SRCAP: variants seen among roughly 807,000 people sequenced by gnomAD.
The protein encoded by SRCAP is Snf2 related CREBBP activator protein, also known as chromatin remodeling protein SRCAP.
A neutral mutation model predicts 263.1 loss-of-function variants in SRCAP; 46 were observed. The ratio of observed to expected loss-of-function variants is 0.17; its 90% CI spans 0.14 to 0.22. SRCAP has a LOEUF of 0.22. Ranked by LOEUF, SRCAP falls within the 10% of genes least tolerant of loss-of-function variation. The probability of loss-of-function intolerance (pLI) is 1.00; values close to 1 mark genes in which losing one functional copy is unlikely to be tolerated. For synonymous variants in SRCAP, 1,813 were observed against 1,662.1 expected (o/e 1.09, Z -2.21); for missense variants, 3,695 against 4,181.9 (o/e 0.88, Z 3.21).
chr16:30,739,476 G>C lies in SRCAP; in HGVS notation c.9436G>C (p.Gly3146Arg), dbSNP rs762974464. The C allele has an allele frequency of 1.5e-5, 24 of 1,613,950 alleles. No homozygotes were observed. The South Asian group carries it at 2.4e-4, about 16-fold the overall frequency. Reference sequence around the variant, plus strand: ...TCGCAAACGAGCAGGGGCCCCAGTTGGTGGGAGTCCTGGGCTGGCAAAGCG... The same window carrying C: ...TCGCAAACGAGCAGGGGCCCCAGTTCGTGGGAGTCCTGGGCTGGCAAAGCG... ...LPRKRAGAPV[G>R]GSPGLAKRGR... Residue 3146 changes from glycine to arginine, a missense_variant, in exon 34 of 34, where the codon GGT becomes CGT. By Grantham distance (125) the Gly-to-Arg change is moderately radical. This residue lies in a region of SRCAP where 1,207 missense variants were observed against 1,142.9 expected (regional missense o/e 1.06). Coordinates refer to ENST00000262518, the MANE Select transcript of SRCAP (RefSeq NM_006662.3).
intron 30 of SRCAP, 79 bp downstream of exon 30, chr16:30,734,087 C>T: frequency 7.7e-7 from 1 of 1,290,442 alleles, no homozygotes; most frequent in Non-Finnish European, 1.1e-6. Context: ...TTAAAGAAGA[C>T]TGCTTTGGAC....
In SRCAP at chr16:30,721,365, GCCACCACCACTTCTA is replaced by G; in HGVS notation, c.3438_3452del (p.Thr1147_Thr1151del). On this transcript the variant is annotated inframe_deletion, in exon 21 of 34. Transcript: ENST00000262518. ...AGGCTACACCTTCCCTCCTGCTGCT[GCCACCACCACTTCTA>G]CCACCACGGCAACTGCTACCACCAC... The G allele has an allele frequency of 6.2e-7, 1 of 1,614,044 alleles. No homozygotes were observed. Among genetic ancestry groups the G allele is most frequent in the Non-Finnish European group, 8.5e-7 (1 of 1,180,032 alleles).
intron 1 of SRCAP, among the ~76,000 whole-genome samples, 182 bp downstream of exon 1, chr16:30,699,424 C>T (rs1236735249): frequency 6.6e-6 from 1 of 152,140 alleles, no homozygotes; most frequent in Non-Finnish European, 1.5e-5. Context: ...TCCTGAGTCT[C>T]CTTTTGCTGT....
chr16:30,704,216 G>T lies in SRCAP; in HGVS notation c.207G>T (p.Val69=). The T allele has an allele frequency of 6.2e-7, 1 of 1,614,142 alleles. No individual in the cohort carries two copies. The highest frequency in any genetic ancestry group is 1.1e-5 in the South Asian group (1 of 91,076). The change falls in exon 4 of 34, where the codon GTG becomes GTT. Residue 69 remains valine, a synonymous_variant. Transcript: ENST00000262518. ...CAGGCCCCCCAGATGGTGCCACAGT[G>T]CCCCTGGAGGGGTTCAGCTTATCCC... The part of the protein sequence containing the change: ...GPPGPPDGAT[V]PLEGFSLSQA...
At chr16:30,719,480 G>T (rs1474671025) in intron 18 of SRCAP, among the ~76,000 whole-genome samples, 1 of 151,890 alleles carries the variant, frequency 6.6e-6, no homozygotes, top group African/African-American at 2.4e-5. Context: ...CTCCAGAAGT[G>T]CTGGGATTAC....
chr16:30,737,291 C>G lies in SRCAP; in HGVS notation c.7251C>G (p.Ala2417=). 6.2e-7 allele frequency: 1 copy of G among 1,614,024 alleles called. No homozygotes were observed. Among genetic ancestry groups the G allele is most frequent in the Non-Finnish European group, 8.5e-7 (1 of 1,180,012 alleles). Residue 2417 remains alanine, a synonymous_variant, in exon 34 of 34, where the codon GCC becomes GCG. Coordinates refer to ENST00000262518, the MANE Select transcript of SRCAP (RefSeq NM_006662.3). ...CAAACCACACTCCTGTCATATCCGC[C>G]CATCAAACTCGCAGCACCACCACAC... ...QGANHTPVIS[A]HQTRSTTTPP... is the part of the protein sequence containing the mutation.
At chr16:30,730,714 AC>A (rs2053106036) in intron 27 of SRCAP, among the ~76,000 whole-genome samples, 1 of 132,004 alleles carries the variant, frequency 7.6e-6, no homozygotes, top group Admixed American at 7.5e-5. Flanking sequence ...ACAGGTGTGA[AC>A]CACTGCGCCC....
rs2053178233 is a variant in SRCAP, at chr16:30,738,066, G to T, written c.8026G>T (p.Glu2676Ter). ...EPLEADRTSE[E>*]LTEAKTPTSS... The stretch of plus-strand genomic sequence containing the variant: ...ACTGGAGGCTGACAGGACCTCGGAA[G>T]AGCTGACAGAGGCCAAGACCCCAAC... The change falls in exon 34 of 34, where the codon GAG becomes TAG. Residue 2676 changes from glutamate to a stop codon, truncating the protein, a stop_gained. Coordinates refer to ENST00000262518, the MANE Select transcript of SRCAP (RefSeq NM_006662.3). LOFTEE classifies it high-confidence loss of function. The T allele has an allele frequency of 1.2e-6, 2 of 1,614,048 alleles. No individual in the cohort carries two copies. The highest frequency in any genetic ancestry group is 1.3e-5 in the African/African-American group (1 of 74,918).
At chr16:30,708,842 C>T (rs1436993402) in intron 6 of SRCAP, among the ~76,000 whole-genome samples, 4 of 151,826 alleles carry the variant, frequency 2.6e-5, no homozygotes, top group Non-Finnish European at 4.4e-5. Context: ...GTTTTTGAGA[C>T]GGAGTCTCGC....
intron 24 of SRCAP, 77 bp from the exon 25 acceptor site, chr16:30,723,507 G>C (rs1317305910): frequency 1.3e-6 from 2 of 1,530,712 alleles, no homozygotes; most frequent in Non-Finnish European, 1.8e-6. Context: ...AAGCTTGGGG[G>C]TATGGGAAAG....
rs192498480 is a variant in SRCAP at position 30,716,526 on chromosome 16, C to T, written c.2817+47C>T. The T allele has an allele frequency of 5.2e-6, 8 of 1,540,230 alleles. No homozygotes were observed. In the African/African-American group the frequency reaches 9.6e-5, roughly 19 times the overall value. ...TGAAATGTAAAGGTTATCGGCATTA[C>T]TCCAACCATGTACCTCTTTTCGTTA... On this transcript the variant is annotated intron_variant, in intron 18 of 33. Transcript: ENST00000262518.
chr16:30,709,681 T>A lies in SRCAP; in HGVS notation c.802T>A (p.Ser268Thr). Residue 268 changes from serine to threonine, a missense_variant, in exon 7 of 34, where the codon TCT (serine) becomes ACT (threonine). Physicochemically the swap from Ser to Thr is moderately conservative, Grantham distance 58. Around this residue, in one of 12 missense-constraint regions of SRCAP, gnomAD observed 44 missense variants for 42.9 expected, o/e 1.03. Coordinates refer to ENST00000262518, the MANE Select transcript of SRCAP (RefSeq NM_006662.3). ...AGCAGGCTCTTCCCCTTGCCTCGGC[T>A]CTTCCTCAGCTGCCTCCAGTCCTCC... Reference protein sequence around the residue: ...SKAGSSPCLGSSSAASSPPPP... With the variant: ...SKAGSSPCLGTSSAASSPPPP... 6.2e-7 allele frequency: 1 copy of A among 1,614,112 alleles called. No homozygotes were observed. Among genetic ancestry groups the A allele is most frequent in the Non-Finnish European group, 8.5e-7 (1 of 1,180,030 alleles).
intron 21 of SRCAP, 136 bp from the exon 22 acceptor site, chr16:30,721,986 T>C (rs1367201796): frequency 4.5e-6 from 5 of 1,109,670 alleles, no homozygotes; most frequent in South Asian, 3.2e-5. Context: ...GCTGAGTTTA[T>C]TGGGACATGG....
chr16:30,738,979 C>T lies in SRCAP; in HGVS notation c.8939C>T (p.Pro2980Leu). ...CCATCACCCCTAACCCCACTCCCAC[C>T]ACTGCTAGTTTGTCCCACTGCTACT... is the stretch of plus-strand genomic sequence containing the variant. ...PHPSPLTPLP[P>L]LLVCPTATVA... Residue 2980 changes from proline to leucine, a missense_variant, in exon 34 of 34, where the codon CCA becomes CTA. By Grantham distance (98) the Pro-to-Leu change is moderately conservative. Around this residue, in one of 12 missense-constraint regions of SRCAP, gnomAD observed 1,207 missense variants for 1,142.9 expected, o/e 1.06. Transcript: ENST00000262518. The T allele has an allele frequency of 1.2e-6, 2 of 1,613,816 alleles. No homozygotes were observed. Among genetic ancestry groups the T allele is most frequent in the Non-Finnish European group, 1.7e-6 (2 of 1,179,814 alleles).
chr16:30,700,916 T>C, intron 3 of SRCAP, 38 bp downstream of exon 3: 1 of 1,604,684 alleles, frequency 6.2e-7, no homozygotes, highest in Non-Finnish European at 8.5e-7. Flanking sequence ...TGCTTCTGCT[T>C]TGTGGATTGT....
In SRCAP at chr16:30,706,609, C is replaced by T. The variant is rs567119259; in HGVS notation, c.307-574C>T. ...TCAGTGTTAAACATTTCACGTATAA[C>T]GTTTCAGTATTTTTTACATAAACAT... On this transcript the variant is annotated intron_variant, in intron 4 of 33. Coordinates refer to ENST00000262518, the MANE Select transcript of SRCAP (RefSeq NM_006662.3). 2.7e-3 allele frequency among the ~76,000 whole-genome samples: 413 copies of T among 152,266 alleles called. 1 individual carries two copies. The highest frequency in any genetic ancestry group is 9.6e-3 in the African/African-American group (398 of 41,558).
rs371111870 is a variant in SRCAP at position 30,712,353 on chromosome 16, A to G, written c.1907A>G (p.Lys636Arg). 1.2e-6 allele frequency: 2 copies of G among 1,613,456 alleles called. No individual in the cohort carries two copies. Among genetic ancestry groups the G allele is most frequent in the African/African-American group, 2.7e-5 (2 of 74,924 alleles). Residue 636 changes from lysine (K) to arginine (R), a missense_variant, in exon 13 of 34, where the codon AAG (lysine) becomes AGG (arginine). Transcript: ENST00000262518. Reference protein sequence around the residue: ...LDWLVTMYEKKLNGILADEMG... With the variant: ...LDWLVTMYEKRLNGILADEMG... ...TGGCTGGTTACCATGTATGAGAAGA[A>G]GCTTAATGGCATTCTTGCTGATGAG...
At chr16:30,735,969 A>C (rs1158210347) in intron 31 of SRCAP, among the ~76,000 whole-genome samples, 1 of 150,998 alleles carries the variant, frequency 6.6e-6, no homozygotes, top group African/African-American at 2.4e-5. Flanking sequence ...AAGTACAGCG[A>C]GCAATCTCAA....
intron 14 of SRCAP, 105 bp downstream of exon 14, chr16:30,712,920 AT>A: frequency 2.2e-6 from 3 of 1,386,634 alleles, no homozygotes; most frequent in Non-Finnish European, 2.9e-6. Flanking sequence ...TTTAAAAAAA[AT>A]TTTTTAATTT....
Sources: gnomAD v4.1 joint callset for allele counts (sites outside exome capture counted in the v4.1 genomes callset) on GRCh38, gnomAD v4.1.1 for gene constraint, gnomAD v4.1.1 regional missense constraint, MANE v1.5 for transcripts, NCBI Gene and HGNC (gene_info 2026-07-23, HGNC 2026-07-21) for gene names.